Variants in PRKCH observed in about 807,000 individuals in gnomAD.
PRKCH encodes protein kinase C eta type.
Under a neutral mutation model 82.5 loss-of-function variants are expected in PRKCH, and 28 were observed. The observed-to-expected ratio is 0.34, with a 90% CI of 0.25 to 0.47. PRKCH has a LOEUF of 0.47. PRKCH is among the 20% of genes least tolerant of loss of function. The pLI is 1.00. For synonymous variants in PRKCH, 322 were observed against 327.4 expected, an observed-to-expected ratio of 0.98 and a Z score of 0.18; for missense variants, 705 against 881.8, an observed-to-expected ratio of 0.80 and a Z score of 2.54.
intron 1 of PRKCH, among the ~76,000 whole-genome samples, chr14:61,247,390 A>G (rs372971732): frequency 7.0e-4 from 106 of 152,252 alleles, no homozygotes; most frequent in African/African-American, 2.6e-3. Context: ...TGAAAATCCA[A>G]GAAGTTTTGA....
chr14:61,340,041 T>C (rs2045912278), intron 1 of PRKCH, among the ~76,000 whole-genome samples: 1 of 152,000 alleles, frequency 6.6e-6, no homozygotes, highest in Non-Finnish European at 1.5e-5. Context: ...CTTTCAGTCC[T>C]CTGTTGGCCT....
intron 1 of PRKCH, among the ~76,000 whole-genome samples, chr14:61,270,384 C>G (rs2045140840): frequency 6.6e-6 from 1 of 152,082 alleles, no homozygotes; most frequent in Non-Finnish European, 1.5e-5. Context: ...CAAAAGCCAT[C>G]TCTCCACGCT....
chr14:61,521,199 TG>T (rs1472386225), intron 10 of PRKCH, among the ~76,000 whole-genome samples: 2 of 152,222 alleles, frequency 1.3e-5, no homozygotes, highest in Admixed American at 1.3e-4. Flanking sequence ...TTTTCAGGAA[TG>T]ATCAATTTTA....
chr14:61,203,764 C>A (rs762935234), intron 1 of PRKCH, among the ~76,000 whole-genome samples: 1 of 151,982 alleles, frequency 6.6e-6, no homozygotes, highest in Non-Finnish European at 1.5e-5. Flanking sequence ...TCACTTGATC[C>A]CAGGAGGTTG....
rs1454426146 is a variant in PRKCH at position 61,367,735 on chromosome 14, T to C, written c.364-23490T>C. Among the ~76,000 whole-genome samples the C allele has an allele frequency of 3.4e-4, 43 of 125,734 alleles. 2 individuals carry two copies. The highest frequency in any genetic ancestry group is 3.4e-3 in the Admixed American group (43 of 12,748). 82.5% of individuals were successfully genotyped at this position (125,734 alleles called of 152,430 possible). ...GAACTCCTTTTTTTTTTTTTTTTTT[T>C]AAACAGTCTCGCTCTTTCACCCAGG... On this transcript the variant is annotated intron_variant, in intron 1 of 13. Transcript: ENST00000332981.
intron 10 of PRKCH, among the ~76,000 whole-genome samples, chr14:61,505,595 G>GAACTCCCGACCTCA: frequency 6.6e-6 from 1 of 151,316 alleles, no homozygotes; most frequent in South Asian, 2.1e-4. Flanking sequence ...GGCTAATCTC[G>GAACTCCCGACCTCA]AACTCCCGAC....
In PRKCH at chr14:61,261,678, T is replaced by A. The variant is rs558022840; in HGVS notation, c.-19+74010T>A. Reference sequence around the variant, plus strand: ...CATTTACATCCATATCTTTTTTTTTTAATTTATTTTTCTTGGCCTAGGAAT... The same window carrying A: ...CATTTACATCCATATCTTTTTTTTTAAATTTATTTTTCTTGGCCTAGGAAT... On this transcript the variant is annotated intron_variant, in intron 1 of 3. Transcript: ENST00000555185. 3.7e-4 allele frequency among the ~76,000 whole-genome samples: 56 copies of A among 152,192 alleles called. No individual in the cohort carries two copies. In the East Asian group the frequency reaches 6.4e-3, roughly 17 times the overall value.
chr14:61,236,826 G>A (rs2044794053), intron 1 of PRKCH, among the ~76,000 whole-genome samples: 2 of 151,402 alleles, frequency 1.3e-5, no homozygotes, highest in South Asian at 2.1e-4. Flanking sequence ...TCAGCACCAC[G>A]ACAGTTTAGA....
At chr14:61,503,791 AAAAG>A (rs1447374123) in intron 10 of PRKCH, among the ~76,000 whole-genome samples, 5 of 152,142 alleles carry the variant, frequency 3.3e-5, no homozygotes, top group Non-Finnish European at 5.9e-5. Context: ...TGTTTTCATA[AAAAG>A]AAAGAGGTAG....
At chr14:61,454,339 G>A (rs1884659532) in intron 7 of PRKCH, among the ~76,000 whole-genome samples, 1 of 152,160 alleles carries the variant, frequency 6.6e-6, no homozygotes. Context: ...CTGATCTCAA[G>A]TGATCTGCCC....
intron 1 of PRKCH, among the ~76,000 whole-genome samples, chr14:61,333,157 G>A (rs1411577369): frequency 1.3e-5 from 2 of 152,144 alleles, no homozygotes; most frequent in Admixed American, 6.5e-5. Context: ...GATTACTGTT[G>A]TTTAATTATG....
intron 1 of PRKCH, among the ~76,000 whole-genome samples, chr14:61,268,143 C>T (rs980898677): frequency 2.6e-5 from 4 of 152,122 alleles, no homozygotes; most frequent in Non-Finnish European, 5.9e-5. Context: ...CAGTACTGCA[C>T]AATGACAGCT....
chr14:61,443,247 C>T lies in PRKCH; in HGVS notation c.564C>T (p.Cys188=). ...GGCAGCCCACCTACTGCTCTCACTG[C>T]AGGGAGTTTATCTGGTAAGGGGTTC... ...YLRQPTYCSH[C]REFIWGVFGK... The change falls in exon 3 of 14, where the codon TGC becomes TGT. Residue 188 remains cysteine (C), a synonymous_variant. Transcript: ENST00000332981. 2 of 1,613,962 alleles carry T rather than the reference C, an allele frequency of 1.2e-6. No homozygotes were observed. The highest frequency in any genetic ancestry group is 2.2e-5 in the South Asian group (2 of 91,072).
At chr14:61,415,228 G>T (rs984269098) in intron 2 of PRKCH, among the ~76,000 whole-genome samples, 1 of 152,190 alleles carries the variant, frequency 6.6e-6, no homozygotes, top group Non-Finnish European at 1.5e-5. Flanking sequence ...AATTTGAAGT[G>T]TGTGTTCTAT....
At chr14:61,366,546 C>G (rs962701728) in intron 1 of PRKCH, among the ~76,000 whole-genome samples, 1 of 152,016 alleles carries the variant, frequency 6.6e-6, no homozygotes, top group African/African-American at 2.4e-5. Context: ...TTTGGGTGAA[C>G]CCAGCCTGAC....
intron 1 of PRKCH, among the ~76,000 whole-genome samples, chr14:61,292,027 C>T (rs972720193): frequency 6.6e-6 from 1 of 152,104 alleles, no homozygotes; most frequent in African/African-American, 2.4e-5. Context: ...TTGTGTAGAA[C>T]ATTGGCCCAA....
chr14:61,493,868 G>A (rs919253677), intron 10 of PRKCH, among the ~76,000 whole-genome samples: 3 of 151,594 alleles, frequency 2.0e-5, no homozygotes, highest in Non-Finnish European at 2.9e-5. Context: ...GATGAGAAAG[G>A]CATAAGAGAT....
chr14:61,220,145 C>G (rs1319043251), intron 1 of PRKCH, among the ~76,000 whole-genome samples: 1 of 152,214 alleles, frequency 6.6e-6, no homozygotes, highest in Non-Finnish European at 1.5e-5. Flanking sequence ...CAAACCAAAT[C>G]TGCTCCTACA....
chr14:61,413,408 C>T lies in PRKCH; in HGVS notation c.427+22120C>T, dbSNP rs931340086. On this transcript the variant is annotated intron_variant, in intron 2 of 13. Coordinates refer to ENST00000332981, the MANE Select transcript of PRKCH (RefSeq NM_006255.5). ...TTCATCATTTCTTTTTAAGCGCCCCCCCCCCGCCCCGCCCATGTACCCTGT... is the reference window on the plus strand; with the variant it reads ...TTCATCATTTCTTTTTAAGCGCCCCTCCCCCGCCCCGCCCATGTACCCTGT... Among the ~76,000 whole-genome samples the T allele has an allele frequency of 2.0e-4, 6 of 30,352 alleles. No homozygotes were observed. In the East Asian group the frequency reaches 5.3e-3, roughly 27 times the overall value. 19.9% of individuals were successfully genotyped at this position (30,352 alleles called of 152,430 possible).
Sources: allele counts gnomAD v4.1 joint callset (sites outside exome capture counted in the v4.1 genomes callset), GRCh38; gene constraint gnomAD v4.1.1; transcripts MANE v1.5; gene names NCBI Gene and HGNC (gene_info 2026-07-23, HGNC 2026-07-21).